Variants in CEP85 observed in about 807,000 individuals in gnomAD.
CEP85 encodes centrosomal protein of 85 kDa.
CEP85 carries 58 observed loss-of-function variants against 93.7 expected under a neutral mutation model. The observed-to-expected ratio is 0.62, with a 90% CI of 0.50 to 0.77. CEP85 has a LOEUF of 0.77. Among genes scored for constraint, CEP85 ranks in the 30% least tolerant of loss-of-function variants. The pLI is 0.00. For missense variants in CEP85, 868 were observed against 922.0 expected, an observed-to-expected ratio of 0.94 and a Z score of 0.76; for synonymous variants, 314 against 338.6, an observed-to-expected ratio of 0.93 and a Z score of 0.80.
chr1:26,272,879 T>G (rs2089999377), intron 11 of CEP85, among the ~76,000 whole-genome samples: 1 of 152,118 alleles, frequency 6.6e-6, no homozygotes, highest in South Asian at 2.1e-4. Flanking sequence ...TCTGCCCGCC[T>G]CGGCCTCCCA....
chr1:26,277,029 G>A (rs879921009), intron 13 of CEP85, 107 bp from the exon 14 acceptor site: 3 of 1,197,348 alleles, frequency 2.5e-6, no homozygotes, highest in Non-Finnish European at 3.6e-6. Flanking sequence ...TTTTTAAAGT[G>A]CATGTCCCAA....
intron 2 of CEP85, among the ~76,000 whole-genome samples, chr1:26,241,171 A>C (rs934855048): frequency 1.3e-5 from 2 of 151,198 alleles, no homozygotes; most frequent in African/African-American, 4.9e-5. Context: ...GTATTCTCTT[A>C]GGCATGCTGC....
chr1:26,272,269 G>A (rs762679961), intron 11 of CEP85, 198 bp downstream of exon 11: 1 of 600,916 alleles, frequency 1.7e-6, no homozygotes, highest in South Asian at 2.0e-5. Flanking sequence ...TACTGTGAGA[G>A]CAGTCCCCAC....
chr1:26,244,536 G>T (rs539673854), intron 3 of CEP85, among the ~76,000 whole-genome samples: 11 of 151,942 alleles, frequency 7.2e-5, no homozygotes, highest in Non-Finnish European at 1.5e-4. Flanking sequence ...AACTTTGTTG[G>T]GGGGTGGGGA....
At chr1:26,244,723 A>G (rs991115259) in intron 3 of CEP85, among the ~76,000 whole-genome samples, 1 of 152,078 alleles carries the variant, frequency 6.6e-6, no homozygotes, top group African/African-American at 2.4e-5. Context: ...GCGTTTTGCC[A>G]TGTTGCCCAG....
At chr1:26,243,773 G>T (rs991878188) in intron 2 of CEP85, among the ~76,000 whole-genome samples, 5 of 152,082 alleles carry the variant, frequency 3.3e-5, no homozygotes, top group African/African-American at 1.2e-4. Flanking sequence ...GCCAAGGCGG[G>T]TGGATTATGA....
chr1:26,271,744 A>G, intron 10 of CEP85: 1 of 435,322 alleles, frequency 2.3e-6, no homozygotes, highest in Non-Finnish European at 4.1e-6. Context: ...ACTGGCCTGC[A>G]GTTATTAGGG....
intron 2 of CEP85, among the ~76,000 whole-genome samples, chr1:26,241,267 G>T (rs1569960497): frequency 1.8e-4 from 1 of 5,440 alleles, no homozygotes; most frequent in Middle Eastern, 0.1. Flanking sequence ...TTTTGAAATG[G>T]AGTCTCGCTC....
intron 9 of CEP85, among the ~76,000 whole-genome samples, chr1:26,269,988 C>A (rs890289031): frequency 6.6e-6 from 1 of 151,914 alleles, no homozygotes; most frequent in Admixed American, 6.6e-5. Flanking sequence ...CGGGGTTTCA[C>A]CGTGGTCTCG....
intron 3 of CEP85, among the ~76,000 whole-genome samples, chr1:26,247,267 T>G (rs923657292): frequency 6.6e-6 from 1 of 152,206 alleles, no homozygotes; most frequent in Non-Finnish European, 1.5e-5. Flanking sequence ...ATGAAAATGT[T>G]GTAAAATTGA....
In CEP85 at chr1:26,244,413, G is replaced by A; in HGVS notation, c.208+95G>A. ...GCATTTCCAGATTGTGTTATTTCCA[G>A]AATGTTCATAACGTCATTCCATTTC... On this transcript the variant is annotated intron_variant, in intron 3 of 13. Coordinates refer to ENST00000451429, the MANE Select transcript of CEP85 (RefSeq NM_001319944.2). The A allele has an allele frequency of 6.1e-6, 7 of 1,138,326 alleles. No homozygotes were observed. In the East Asian group the frequency reaches 1.7e-4, roughly 27 times the overall value. The allele number at this position is 1,138,326 out of a possible 1,614,324, so 70.5% of individuals were successfully genotyped here.
At chr1:26,254,591 G>A (rs956061104) in intron 3 of CEP85, 3 of 154,146 alleles carry the variant, frequency 1.9e-5, no homozygotes, top group Non-Finnish European at 2.9e-5. Context: ...CAGGTTTGGG[G>A]TATGGGAGAG....
At chr1:26,238,871 G>C (rs533189485) in intron 1 of CEP85, among the ~76,000 whole-genome samples, 1 of 152,162 alleles carries the variant, frequency 6.6e-6, no homozygotes, top group Admixed American at 6.5e-5. Context: ...ATATTTTAAG[G>C]AGTGAGAACA....
intron 3 of CEP85, among the ~76,000 whole-genome samples, chr1:26,245,086 C>T (rs2089488491): frequency 6.6e-6 from 1 of 151,986 alleles, no homozygotes; most frequent in African/African-American, 2.4e-5. Flanking sequence ...CACTCTGTCA[C>T]CCAGGCTGGA....
At chr1:26,267,457 G>A (rs913135416) in intron 7 of CEP85, among the ~76,000 whole-genome samples, 5 of 152,092 alleles carry the variant, frequency 3.3e-5, no homozygotes, top group African/African-American at 7.2e-5. Context: ...CCAGCTACTC[G>A]GGAAACTGAG....
intron 9 of CEP85, among the ~76,000 whole-genome samples, chr1:26,269,944 G>C (rs1038318684): frequency 1.3e-5 from 2 of 151,900 alleles, no homozygotes; most frequent in Non-Finnish European, 2.9e-5. Flanking sequence ...CCGCCACTGC[G>C]CCTGGCTAAT....
rs1260757678 is a variant in CEP85, at chr1:26,257,743, G to A, written c.1037+13G>A. Reference sequence around the variant, plus strand: ...TTCTCATTGACAAGTAAGAGGGCAAGGGGTACCACAGAGCCAGACTACTCT... The same window carrying A: ...TTCTCATTGACAAGTAAGAGGGCAAAGGGTACCACAGAGCCAGACTACTCT... On this transcript the variant is annotated intron_variant, in intron 5 of 13. Transcript: ENST00000451429. 6.2e-7 allele frequency: 1 copy of A among 1,613,796 alleles called. No individual in the cohort carries two copies. Among genetic ancestry groups the A allele is most frequent in the African/African-American group, 1.3e-5 (1 of 74,904 alleles).
rs180907788 is a variant in CEP85 at position 26,252,487 on chromosome 1, G to A, written c.209-2684G>A. ...GAGGAGGTTGTGGTGAGCCAAGATC[G>A]CGCCATTGCACTCCAGCCTGGGCAA... On this transcript the variant is annotated intron_variant, in intron 3 of 13. Transcript: ENST00000451429. Among the ~76,000 whole-genome samples the A allele has an allele frequency of 3.4e-4, 51 of 152,216 alleles. 1 individual carries two copies. The East Asian group carries it at 7.9e-3, about 24-fold the overall frequency.
intron 1 of CEP85, among the ~76,000 whole-genome samples, chr1:26,236,081 T>C (rs2124550757): frequency 6.6e-6 from 1 of 152,300 alleles, no homozygotes; most frequent in South Asian, 2.1e-4. Context: ...TGATCTCTTT[T>C]TTTGTGTTTT....
Sources: allele counts gnomAD v4.1 joint callset (sites outside exome capture counted in the v4.1 genomes callset), GRCh38; gene constraint gnomAD v4.1.1; transcripts MANE v1.5; gene names NCBI Gene and HGNC (gene_info 2026-07-23, HGNC 2026-07-21).